Variants in PRIM2 observed in about 807,000 individuals in gnomAD.
The protein encoded by PRIM2 is DNA primase subunit 2.
In PRIM2, 39 loss-of-function variants were observed where a neutral mutation model predicts 67.3. The ratio of observed to expected loss-of-function variants is 0.58; its 90% confidence interval spans 0.45 to 0.76. The LOEUF is 0.76. Ranked by LOEUF, PRIM2 falls within the 30% of genes least tolerant of loss-of-function variation. The pLI, the probability that PRIM2 is intolerant of heterozygous loss-of-function variation, is 0.00. For missense variants in PRIM2, 398 were observed against 598.7 expected (o/e 0.66, Z 3.50); for synonymous variants, 143 against 198.7 (o/e 0.72, Z 2.36).
chr6:57,521,571 C>T (rs1774624854), intron 8 of PRIM2, among the ~76,000 whole-genome samples: 1 of 151,896 alleles, frequency 6.6e-6, no homozygotes, highest in Non-Finnish European at 1.5e-5. Flanking sequence ...TAGGAGATTA[C>T]AGTTCATTTT....
chr6:57,574,982 C>G (rs1266460962), intron 10 of PRIM2, among the ~76,000 whole-genome samples: 1 of 152,142 alleles, frequency 6.6e-6, no homozygotes, highest in Non-Finnish European at 1.5e-5. Flanking sequence ...ACAAAATAGA[C>G]AAAATCCCTG....
upstream of PRIM2, among the ~76,000 whole-genome samples, chr6:57,312,095 T>A (rs1767404141): frequency 6.6e-6 from 1 of 151,466 alleles, no homozygotes; most frequent in Non-Finnish European, 1.5e-5. Flanking sequence ...TACTGTTTTT[T>A]ATTTTTTTCT....
chr6:57,357,534 C>T (rs1769070085), intron 5 of PRIM2, among the ~76,000 whole-genome samples: 1 of 151,514 alleles, frequency 6.6e-6, no homozygotes, highest in Non-Finnish European at 1.5e-5. Context: ...CATGTATCAG[C>T]TTAAACAGTT....
intron 10 of PRIM2, among the ~76,000 whole-genome samples, chr6:57,541,204 C>T (rs1222993344): frequency 9.2e-5 from 14 of 152,260 alleles, no homozygotes; most frequent in African/African-American, 2.4e-4. Flanking sequence ...CTTACGGTAT[C>T]GATCAATGTA....
chr6:57,348,279 C>T (rs1052155496), intron 5 of PRIM2, among the ~76,000 whole-genome samples: 6 of 151,924 alleles, frequency 3.9e-5, no homozygotes, highest in Admixed American at 6.6e-5. Context: ...TATTTTAGTT[C>T]ATGTTCAACA....
intron 5 of PRIM2, among the ~76,000 whole-genome samples, chr6:57,327,860 C>G (rs188018634): frequency 1.3e-5 from 2 of 152,140 alleles, no homozygotes; most frequent in Non-Finnish European, 2.9e-5. Flanking sequence ...AATTTTTCCA[C>G]GGACTGAGGT....
rs1336641444 is a variant in PRIM2, at chr6:57,521,371, T to TTTG, written c.762-11038_762-11037insGTT. 4.6e-4 allele frequency among the ~76,000 whole-genome samples: 60 copies of TTTG among 131,830 alleles called. 1 individual carries two copies. The East Asian group carries it at 0.012, about 25-fold the overall frequency. 86.5% of individuals were successfully genotyped at this position (131,830 alleles called of 152,430 possible). ...GGCTTAGTTTATGTGGTTAGGGTTT[T>TTTG]TTTTTTTTTTTTTTTTTTTTTTAAC... is the stretch of plus-strand genomic sequence containing the variant. On this transcript the variant is annotated intron_variant, in intron 8 of 13. Coordinates refer to ENST00000615550, the MANE Select transcript of PRIM2 (RefSeq NM_000947.5).
intron 10 of PRIM2, among the ~76,000 whole-genome samples, chr6:57,593,192 G>A (rs1242865129): frequency 3.3e-5 from 5 of 152,154 alleles, no homozygotes; most frequent in South Asian, 2.1e-4. Flanking sequence ...AAACTGCCAC[G>A]TACCCACCTT....
At chr6:57,616,976 G>A (rs1450444261) in intron 12 of PRIM2, among the ~76,000 whole-genome samples, 3 of 152,224 alleles carry the variant, frequency 2.0e-5, no homozygotes, top group Admixed American at 2.0e-4. Flanking sequence ...TCCATTGTAT[G>A]TCTGTACCAC....
chr6:57,580,431 T>C (rs1776059919), intron 10 of PRIM2, among the ~76,000 whole-genome samples: 1 of 152,210 alleles, frequency 6.6e-6, no homozygotes. Context: ...TTATTTCATA[T>C]GGGTTTTGTA....
chr6:57,303,234 T>A, the PRIM2 span, among the ~76,000 whole-genome samples: 4 of 152,200 alleles, frequency 2.6e-5, no homozygotes, highest in South Asian at 8.3e-4. Flanking sequence ...AGATGATGCT[T>A]TGCTGAAATT....
intron 7 of PRIM2, among the ~76,000 whole-genome samples, chr6:57,480,534 T>C (rs1461017504): frequency 6.6e-6 from 1 of 152,202 alleles, no homozygotes; most frequent in Non-Finnish European, 1.5e-5. Flanking sequence ...CATGTAACCA[T>C]CACTACAAGA....
chr6:57,403,671 T>C (rs7755884), intron 7 of PRIM2, among the ~76,000 whole-genome samples: 2 of 151,656 alleles, frequency 1.3e-5, no homozygotes, highest in Admixed American at 1.3e-4. Flanking sequence ...AGAATTTTAA[T>C]GATTCTCTCA....
chr6:57,597,973 C>T (rs1172962632), intron 10 of PRIM2, among the ~76,000 whole-genome samples: 1 of 152,164 alleles, frequency 6.6e-6, no homozygotes, highest in Non-Finnish European at 1.5e-5. Flanking sequence ...AGTAATCATT[C>T]TCTAAGCTTT....
At chr6:57,389,772 TTAA>T (rs1770269429) in intron 7 of PRIM2, among the ~76,000 whole-genome samples, 2 of 152,194 alleles carry the variant, frequency 1.3e-5, no homozygotes, top group Admixed American at 1.3e-4. Context: ...TATCCTCTTT[TTAA>T]AAGTAGTGTT....
At chr6:57,500,521 G>A (rs1774109845) in intron 7 of PRIM2, among the ~76,000 whole-genome samples, 4 of 152,224 alleles carry the variant, frequency 2.6e-5, no homozygotes, top group Non-Finnish European at 5.9e-5. Flanking sequence ...AGACTGCAAA[G>A]AATGGAAGGC....
At chr6:57,546,195 G>A (rs1477610690) in intron 10 of PRIM2, among the ~76,000 whole-genome samples, 10 of 152,144 alleles carry the variant, frequency 6.6e-5, no homozygotes, top group African/African-American at 2.4e-4. Flanking sequence ...AATTAATTTC[G>A]CCTAACTTTG....
upstream of PRIM2, among the ~76,000 whole-genome samples, chr6:57,310,136 C>T (rs1767353026): frequency 6.6e-6 from 1 of 152,054 alleles, no homozygotes; most frequent in Admixed American, 6.5e-5. Context: ...GGGCAAAGGA[C>T]ATGAACAGAC....
the PRIM2 span, among the ~76,000 whole-genome samples, chr6:57,272,861 T>G: frequency 2.0e-5 from 3 of 152,122 alleles, no homozygotes; most frequent in Non-Finnish European, 2.9e-5. Context: ...GTCTGTGAAG[T>G]ATTTTATTTC....
Sources: allele counts gnomAD v4.1 joint callset (sites outside exome capture counted in the v4.1 genomes callset), GRCh38; gene constraint gnomAD v4.1.1; transcripts MANE v1.5; gene names NCBI Gene and HGNC (gene_info 2026-07-23, HGNC 2026-07-21).